AAMDC: variants seen among roughly 807,000 people sequenced by gnomAD.
AAMDC encodes the protein adipogenesis associated Mth938 domain containing.
Under a neutral mutation model 15.5 loss-of-function variants are expected in AAMDC, and 16 were observed. The observed-to-expected ratio is 1.03, with a 90% CI of 0.70 to 1.57. The LOEUF is 1.57. Ranked by LOEUF, AAMDC falls within the 40% of genes most tolerant of loss-of-function variation. The pLI is 0.00. For synonymous variants in AAMDC, 51 were observed against 51.6 expected, an observed-to-expected ratio of 0.99 and a Z score of 0.05; for missense variants, 141 against 144.9, an observed-to-expected ratio of 0.97 and a Z score of 0.14.
intron 5 of AAMDC, among the ~76,000 whole-genome samples, chr11:77,879,430 T>C (rs981497832): frequency 6.6e-6 from 1 of 152,220 alleles, no homozygotes; most frequent in African/African-American, 2.4e-5. Flanking sequence ...TGGGCTCAAA[T>C]TCTTATGCAG....
At chr11:77,834,542 G>C (rs1480846166) in intron 1 of AAMDC, among the ~76,000 whole-genome samples, 2 of 148,244 alleles carry the variant, frequency 1.3e-5, no homozygotes, top group African/African-American at 2.5e-5. Flanking sequence ...AGCCTCCTGA[G>C]TAGCTGGAAT....
chr11:77,890,149 A>AAAAC (rs769302086), intron 5 of AAMDC, among the ~76,000 whole-genome samples: 9 of 152,334 alleles, frequency 5.9e-5, no homozygotes, highest in East Asian at 1.9e-4. Flanking sequence ...AATGTGGAAA[A>AAAAC]AAACAAACAA....
rs776290349 is a variant in AAMDC at position 77,891,696 on chromosome 11, G to A, written c.329-8875G>A. ...AGACCCTGACCTGCTCTGGAAGCGG[G>A]AGATGCAGAAAGGCACTCTGTCGCA... On this transcript the variant is annotated intron_variant, in intron 5 of 5. Transcript: ENST00000304716. 8 of 1,612,006 alleles carry A rather than the reference G, an allele frequency of 5.0e-6. 1 individual carries two copies. In the South Asian group the frequency reaches 8.8e-5, roughly 18 times the overall value.
At chr11:77,841,527 G>C (rs545008704) in intron 1 of AAMDC, among the ~76,000 whole-genome samples, 1 of 152,184 alleles carries the variant, frequency 6.6e-6, no homozygotes, top group Non-Finnish European at 1.5e-5. Flanking sequence ...GTGTACAGGG[G>C]AGTGCGTTCA....
At chr11:77,849,981 C>T (rs926123090) in intron 2 of AAMDC, among the ~76,000 whole-genome samples, 1 of 152,170 alleles carries the variant, frequency 6.6e-6, no homozygotes, top group Non-Finnish European at 1.5e-5. Flanking sequence ...GATCTGTTTC[C>T]CCCACTAAGT....
chr11:77,872,051 C>A, intron 3 of AAMDC, 124 bp from the exon 4 acceptor site: 1 of 1,123,422 alleles, frequency 8.9e-7, no homozygotes, highest in Non-Finnish European at 1.2e-6. Flanking sequence ...TGGTGATACA[C>A]TGAGTGATCG....
chr11:77,891,881 C>T, intron 5 of AAMDC: 3 of 1,609,818 alleles, frequency 1.9e-6, no homozygotes, highest in Admixed American at 1.7e-5. Context: ...TTCAACTGTG[C>T]ACTCATTCAC....
At chr11:77,839,355 T>A in intron 1 of AAMDC, among the ~76,000 whole-genome samples, 1 of 152,176 alleles carries the variant, frequency 6.6e-6, no homozygotes, top group East Asian at 1.9e-4. Flanking sequence ...ATAGGAATGC[T>A]TTTACACTAT....
intron 5 of AAMDC, among the ~76,000 whole-genome samples, chr11:77,896,242 T>C (rs1187818149): frequency 1.3e-5 from 2 of 150,908 alleles, no homozygotes; most frequent in East Asian, 3.9e-4. Flanking sequence ...AGGAAAAAAA[T>C]AGTAGAGAAG....
intron 5 of AAMDC, among the ~76,000 whole-genome samples, chr11:77,897,508 A>ATT (rs977241174): frequency 6.7e-6 from 1 of 148,364 alleles, no homozygotes; most frequent in Non-Finnish European, 1.5e-5. Flanking sequence ...TATTATTATT[A>ATT]TTTTTTTTTT....
intron 1 of AAMDC, among the ~76,000 whole-genome samples, chr11:77,825,762 G>C (rs1949141947): frequency 6.6e-6 from 1 of 151,550 alleles, no homozygotes; most frequent in African/African-American, 2.4e-5. Context: ...CACGATCTAG[G>C]CTCACTGCAA....
chr11:77,832,063 A>G (rs1949454140), intron 1 of AAMDC: 2 of 151,712 alleles, frequency 1.3e-5, no homozygotes, highest in African/African-American at 4.8e-5. Context: ...GTTGACAAAC[A>G]TCTTGTGACT....
intron 2 of AAMDC, among the ~76,000 whole-genome samples, chr11:77,850,129 C>T (rs77349417): frequency 0.013 from 1,938 of 152,114 alleles, 38 homozygotes; most frequent in African/African-American, 0.045. Flanking sequence ...TTTAACATTC[C>T]CTCTGAGATA....
At chr11:77,848,040 G>A (rs1950216486) in intron 2 of AAMDC, among the ~76,000 whole-genome samples, 1 of 152,152 alleles carries the variant, frequency 6.6e-6, no homozygotes, top group Non-Finnish European at 1.5e-5. Context: ...CCAACATAGG[G>A]GAGGGTAGTC....
intron 2 of AAMDC, among the ~76,000 whole-genome samples, chr11:77,859,166 G>A (rs1277119168): frequency 6.6e-6 from 1 of 152,200 alleles, no homozygotes; most frequent in African/African-American, 2.4e-5. Context: ...GTCCTCCTGA[G>A]GTTCCCCATT....
In AAMDC at chr11:77,892,830, G is replaced by A. The variant is rs566198809; in HGVS notation, c.329-7741G>A. Among the ~76,000 whole-genome samples, 9 of 152,204 alleles carry A rather than the reference G, an allele frequency of 5.9e-5. No individual in the cohort carries two copies. The South Asian group carries it at 1.2e-3, about 21-fold the overall frequency. ...GAACTCCTGACCTCGTGATCCACCC[G>A]CCTCAGCCTCCCAAAGTGCTGGGAT... On this transcript the variant is annotated intron_variant, in intron 5 of 5. Transcript: ENST00000304716.
downstream of AAMDC, among the ~76,000 whole-genome samples, chr11:77,874,093 G>A (rs1234065242): frequency 6.6e-6 from 1 of 152,162 alleles, no homozygotes; most frequent in African/African-American, 2.4e-5. Context: ...AGTTCTCCAA[G>A]TAAGTGGCAG....
At chr11:77,835,632 G>T (rs1426658984) in intron 1 of AAMDC, among the ~76,000 whole-genome samples, 1 of 152,046 alleles carries the variant, frequency 6.6e-6, no homozygotes, top group Non-Finnish European at 1.5e-5. Context: ...TGAGTCTAAA[G>T]TTGGGGCCAG....
intron 2 of AAMDC, among the ~76,000 whole-genome samples, chr11:77,860,655 A>G (rs895568421): frequency 6.6e-6 from 1 of 152,158 alleles, no homozygotes; most frequent in Non-Finnish European, 1.5e-5. Context: ...GGCCAAATAG[A>G]TGGGGGCTGT....
Sources: gnomAD v4.1 joint callset for allele counts (sites outside exome capture counted in the v4.1 genomes callset) on GRCh38, gnomAD v4.1.1 for gene constraint, MANE v1.5 for transcripts, NCBI Gene and HGNC (gene_info 2026-07-23, HGNC 2026-07-21) for gene names.